Variants in FSIP2 observed in about 807,000 individuals in gnomAD.
FSIP2 encodes the protein fibrous sheath-interacting protein 2.
A neutral mutation model predicts 510.5 loss-of-function variants in FSIP2; 367 were observed. The ratio of observed to expected loss-of-function variants is 0.72; its 90% CI spans 0.66 to 0.78. FSIP2 has a LOEUF of 0.78. FSIP2 is among the 30% of genes least tolerant of loss of function. FSIP2 has a pLI of 0.00. For missense variants in FSIP2, 7,594 were observed against 7,901.7 expected (o/e 0.96, Z 1.48); for synonymous variants, 2,601 against 2,732.2 (o/e 0.95, Z 1.50).
intron 14 of FSIP2, among the ~76,000 whole-genome samples, chr2:185,784,544 G>A (rs191428319): frequency 2.6e-5 from 4 of 152,166 alleles, no homozygotes; most frequent in South Asian, 2.1e-4. Flanking sequence ...TCACAGATCC[G>A]AAAGACTTTA....
chr2:185,762,896 C>G (rs1692384520), intron 11 of FSIP2, among the ~76,000 whole-genome samples: 1 of 151,394 alleles, frequency 6.6e-6, no homozygotes, highest in African/African-American at 2.4e-5. Context: ...TAGCGGTAGG[C>G]TGTGGTTATA....
chr2:185,769,322 T>C (rs1692560291), intron 13 of FSIP2, among the ~76,000 whole-genome samples: 1 of 152,194 alleles, frequency 6.6e-6, no homozygotes. Context: ...ATACTAACCA[T>C]CCTGACTGGT....
intron 19 of FSIP2, among the ~76,000 whole-genome samples, chr2:185,819,728 A>T (rs1274175813): frequency 2.0e-5 from 3 of 151,950 alleles, no homozygotes; most frequent in African/African-American, 4.8e-5. Flanking sequence ...ACTTTGTGTT[A>T]GATGATTTTG....
At chr2:185,781,746 A>G (rs889119783) in intron 13 of FSIP2, among the ~76,000 whole-genome samples, 3 of 152,242 alleles carry the variant, frequency 2.0e-5, no homozygotes, top group African/African-American at 7.2e-5. Flanking sequence ...AGGCAAAATT[A>G]AAAATATTTG....
intron 7 of FSIP2, among the ~76,000 whole-genome samples, chr2:185,753,137 T>C (rs1441433123): frequency 6.6e-6 from 1 of 151,382 alleles, no homozygotes; most frequent in Non-Finnish European, 1.5e-5. Flanking sequence ...TTTCTATCCC[T>C]AGATAGGTTG....
intron 17 of FSIP2, 117 bp downstream of exon 17, chr2:185,809,250 CCAATAGGAGAATTAGTTG>C: frequency 8.9e-7 from 1 of 1,124,792 alleles, no homozygotes; most frequent in Non-Finnish European, 1.2e-6. Flanking sequence ...GTTTCTCAGC[CCAATAGGAGAATTAGTTG>C]CATCAGTTCA....
At chr2:185,785,986 A>G (rs1326425555) in intron 14 of FSIP2, among the ~76,000 whole-genome samples, 1 of 151,900 alleles carries the variant, frequency 6.6e-6, no homozygotes, top group Non-Finnish European at 1.5e-5. Flanking sequence ...GGTGTGTTGG[A>G]AGTATAAGGA....
rs1390106896 is a variant in FSIP2, at chr2:185,794,721, AAC to A, written c.7587_7588del (p.Asn2529LysfsTer7). On this transcript the variant is annotated frameshift_variant, in exon 16 of 23. Coordinates refer to ENST00000424728, the MANE Select transcript of FSIP2 (RefSeq NM_173651.4). LOFTEE classifies it high-confidence loss of function. ...KIKTSDTTQK[N>X]SFQSHINSVA... ...TAAAACATCAGACACAACACAGAAA[AAC>A]AGTTTTCAATCACATATTAACAGTG... 1.3e-6 allele frequency: 2 copies of A among 1,533,948 alleles called. No homozygotes were observed. Among genetic ancestry groups the A allele is most frequent in the Non-Finnish European group, 1.7e-6 (2 of 1,145,508 alleles).
intron 7 of FSIP2, among the ~76,000 whole-genome samples, chr2:185,752,428 T>C (rs1692167679): frequency 6.6e-6 from 1 of 151,310 alleles, no homozygotes; most frequent in Non-Finnish European, 1.5e-5. Flanking sequence ...TTTCTACGCA[T>C]TGGTGTTTTG....
chr2:185,757,757 T>C (rs925840766), intron 9 of FSIP2, among the ~76,000 whole-genome samples: 1 of 151,352 alleles, frequency 6.6e-6, no homozygotes, highest in Non-Finnish European at 1.5e-5. Flanking sequence ...TGTCTTTGTA[T>C]TTTTTCATTC....
chr2:185,748,587 A>G (rs1206005352), intron 7 of FSIP2, among the ~76,000 whole-genome samples: 1 of 152,110 alleles, frequency 6.6e-6, no homozygotes, highest in Non-Finnish European at 1.5e-5. Context: ...AAGAGAAAGT[A>G]TCTTTGTTTT....
chr2:185,795,213 A>G lies in FSIP2; in HGVS notation c.8077A>G (p.Thr2693Ala), dbSNP rs1693238937. ...GAGTGCTGCTAAGGCCAAAAGCAAA[A>G]CCAAGTTAGGTCCTGGAGAGAAGAC... ...GLSAAKAKSK[T>A]KLGPGEKTLK... Residue 2693 changes from threonine (T) to alanine (A), a missense_variant, in exon 16 of 23, where the codon ACC (threonine) becomes GCC (alanine). Thr to Ala is a moderately conservative substitution (Grantham distance 58). Coordinates refer to ENST00000424728, the MANE Select transcript of FSIP2 (RefSeq NM_173651.4). 1 of 1,534,920 alleles carries G rather than the reference A, an allele frequency of 6.5e-7. No individual in the cohort carries two copies. The highest frequency in any genetic ancestry group is 1.4e-5 in the African/African-American group (1 of 72,910).
intron 19 of FSIP2, among the ~76,000 whole-genome samples, chr2:185,822,763 A>G (rs907746984): frequency 6.6e-6 from 1 of 151,894 alleles, no homozygotes; most frequent in African/African-American, 2.4e-5. Context: ...CAATCTTAAA[A>G]TAGAATAAAA....
In FSIP2 at chr2:185,806,623, A is replaced by T. The variant is rs1265243991; in HGVS notation, c.17317A>T (p.Asn5773Tyr). Residue 5773 changes from asparagine (N) to tyrosine (Y), a missense_variant, in exon 17 of 23, where the codon AAC becomes TAC. Asn to Tyr is a moderately radical substitution (Grantham distance 143, BLOSUM62 -2). Transcript: ENST00000424728. ...ACCCAGTAAACCAGATGATCCTCAAAACCAACGAGAAAGTAAACCTGGAAT... is the reference window on the plus strand; with the variant it reads ...ACCCAGTAAACCAGATGATCCTCAATACCAACGAGAAAGTAAACCTGGAAT... ...SEPSKPDDPQ[N>Y]QRESKPGIFP... The T allele has an allele frequency of 1.2e-6, 2 of 1,608,542 alleles. No homozygotes were observed. The highest frequency in any genetic ancestry group is 1.7e-6 in the Non-Finnish European group (2 of 1,178,026).
At chr2:185,777,029 G>C (rs1692739804) in intron 13 of FSIP2, among the ~76,000 whole-genome samples, 1 of 152,084 alleles carries the variant, frequency 6.6e-6, no homozygotes, top group Non-Finnish European at 1.5e-5. Flanking sequence ...TGGCCAGGAT[G>C]CAAGATTCTA....
rs1452676845 is a variant in FSIP2, at chr2:185,790,866, C to A, written c.3730C>A (p.Pro1244Thr). ...SLFDVDPEKP[P>T]WLKSGKSEPK... ...ATTTGACGTTGATCCTGAAAAGCCT[C>A]CCTGGTTAAAATCTGGAAAAAGTGA... is the stretch of plus-strand genomic sequence containing the variant. Residue 1244 changes from proline (P) to threonine (T), a missense_variant, in exon 16 of 23, where the codon CCC (proline) becomes ACC (threonine). Physicochemically the swap from Pro to Thr is conservative, Grantham distance 38. Coordinates refer to ENST00000424728, the MANE Select transcript of FSIP2 (RefSeq NM_173651.4). 6.5e-7 allele frequency: 1 copy of A among 1,532,492 alleles called. No homozygotes were observed. The highest frequency in any genetic ancestry group is 1.4e-5 in the African/African-American group (1 of 72,872). 94.9% of individuals were successfully genotyped at this position (1,532,492 alleles called of 1,614,324 possible). A position where few individuals can be genotyped will look rare whatever the true frequency, so the allele number is the denominator to read the frequency against.
chr2:185,803,788 A>C lies in FSIP2; in HGVS notation c.14482A>C (p.Lys4828Gln), dbSNP rs910840196. The part of the protein sequence containing the change: ...TKSDLSNTVI[K>Q]LINEIMSIIS... ...ATCAGACTTAAGTAATACAGTGATA[A>C]AACTGATAAATGAAATTATGTCAAT... The change falls in exon 17 of 23, where the codon AAA (lysine) becomes CAA (glutamine). Residue 4828 changes from lysine (K) to glutamine (Q), a missense_variant. Coordinates refer to ENST00000424728, the MANE Select transcript of FSIP2 (RefSeq NM_173651.4). 3.9e-6 allele frequency: 6 copies of C among 1,521,368 alleles called. No homozygotes were observed. The Admixed American group carries it at 1.2e-4, about 31-fold the overall frequency. The allele number at this position is 1,521,368 out of a possible 1,614,324, so 94.2% of individuals were successfully genotyped here.
chr2:185,813,997 G>T lies in FSIP2; in HGVS notation c.20280G>T (p.Met6760Ile). 6.2e-7 allele frequency: 1 copy of T among 1,613,228 alleles called. No homozygotes were observed. The highest frequency in any genetic ancestry group is 8.5e-7 in the Non-Finnish European group (1 of 1,179,566). The change falls in exon 18 of 23, where the codon ATG becomes ATT. Residue 6760 changes from methionine to isoleucine, a missense_variant. Transcript: ENST00000424728. The part of the protein sequence containing the change: ...AELDMATPKT[M>I]PETASSSWEE... ...TTGACATGGCCACACCAAAGACGAT[G>T]CCTGAAACAGCCTCTTCATCTTGGG... is the stretch of plus-strand genomic sequence containing the variant.
At chr2:185,812,849 C>T (rs6434144) in intron 17 of FSIP2, among the ~76,000 whole-genome samples, 82,698 of 151,812 alleles carry the variant, frequency 0.54, 22,773 homozygotes, top group South Asian at 0.64. Context: ...CAAAGGGAGG[C>T]TGAGAGCTAA....
Sources: allele counts gnomAD v4.1 joint callset (sites outside exome capture counted in the v4.1 genomes callset), GRCh38; gene constraint gnomAD v4.1.1; transcripts MANE v1.5; gene names NCBI Gene and HGNC (gene_info 2026-07-23, HGNC 2026-07-21).